The following PHF2 variants were observed in gnomAD, a reference collection of about 807,000 sequenced individuals.
PHF2 encodes PHD finger protein 2.
In PHF2, 27 loss-of-function variants were observed where a neutral mutation model predicts 120.5. The ratio of observed to expected loss-of-function variants is 0.22; its 90% CI spans 0.17 to 0.31. The LOEUF (loss-of-function observed/expected upper bound fraction) is 0.31, where lower values mean the gene tolerates loss of function less well. Among genes scored for constraint, PHF2 ranks in the 10% least tolerant of loss-of-function variants. The probability of loss-of-function intolerance (pLI) is 1.00; values close to 1 mark genes in which losing one functional copy is unlikely to be tolerated. For synonymous variants in PHF2, 568 were observed against 592.5 expected, an observed-to-expected ratio of 0.96 and a Z score of 0.60; for missense variants, 1,024 against 1,434.8, an observed-to-expected ratio of 0.71 and a Z score of 4.63.
At chr9:93,579,040 A>G (rs1013817968) in intron 1 of PHF2, among the ~76,000 whole-genome samples, 6 of 152,130 alleles carry the variant, frequency 3.9e-5, no homozygotes, top group Non-Finnish European at 8.8e-5. Context: ...CTGCTCCCCA[A>G]TTGTTCTGGG....
chr9:93,594,427 T>G (rs1176200124), intron 1 of PHF2, among the ~76,000 whole-genome samples: 1 of 152,206 alleles, frequency 6.6e-6, no homozygotes, highest in African/African-American at 2.4e-5. Flanking sequence ...TCCTGACTCT[T>G]GGGTCAGGGA....
intron 1 of PHF2, among the ~76,000 whole-genome samples, chr9:93,613,157 G>C (rs1361837772): frequency 1.3e-5 from 2 of 152,230 alleles, no homozygotes; most frequent in East Asian, 1.9e-4. Context: ...AGGTGGCTCT[G>C]CTCTGTATGT....
At chr9:93,612,940 C>G (rs116077695) in intron 1 of PHF2, among the ~76,000 whole-genome samples, 1 of 152,228 alleles carries the variant, frequency 6.6e-6, no homozygotes, top group Non-Finnish European at 1.5e-5. Flanking sequence ...TCTAATTGCA[C>G]CCTTCACGTG....
chr9:93,610,017 T>C (rs1355769583), intron 1 of PHF2, among the ~76,000 whole-genome samples: 3 of 152,040 alleles, frequency 2.0e-5, no homozygotes, highest in Non-Finnish European at 1.5e-5. Flanking sequence ...TTCAAGATAT[T>C]CTTTTTGTGT....
chr9:93,619,883 CCTGGTGGCCTCTGAGGT>C (rs1178456255), intron 1 of PHF2, among the ~76,000 whole-genome samples: 53 of 152,180 alleles, frequency 3.5e-4, no homozygotes, highest in Non-Finnish European at 7.3e-5. Context: ...CATTTGTGCC[CCTGGTGGCCTCTGAGGT>C]CTGTGTGTGG....
chr9:93,590,253 T>A (rs1207822421), intron 1 of PHF2, among the ~76,000 whole-genome samples: 1 of 152,250 alleles, frequency 6.6e-6, no homozygotes, highest in African/African-American at 2.4e-5. Flanking sequence ...TATCTAATTA[T>A]TGAGTTCACT....
intron 1 of PHF2, among the ~76,000 whole-genome samples, chr9:93,595,574 C>A (rs969040288): frequency 2.0e-4 from 30 of 152,250 alleles, no homozygotes; most frequent in African/African-American, 6.8e-4. Context: ...AATGCCTGCA[C>A]ATATGTCTGA....
intron 1 of PHF2, among the ~76,000 whole-genome samples, chr9:93,611,370 A>G (rs1309578823): frequency 5.3e-5 from 8 of 151,942 alleles, no homozygotes; most frequent in African/African-American, 1.4e-4. Context: ...AGCCGAGATC[A>G]TGCCATTGCA....
intron 19 of PHF2, 69 bp downstream of exon 19, chr9:93,675,091 C>A: frequency 8.1e-7 from 1 of 1,229,268 alleles, no homozygotes; most frequent in South Asian, 1.2e-5. Context: ...TGTCTGTGGT[C>A]CCTCCAGCCC....
intron 6 of PHF2, among the ~76,000 whole-genome samples, chr9:93,654,037 A>G (rs1351799878): frequency 6.6e-6 from 1 of 152,184 alleles, no homozygotes; most frequent in Non-Finnish European, 1.5e-5. Flanking sequence ...GGGGCCTGCC[A>G]TAAGACTGCC....
At chr9:93,606,459 A>C (rs903013376) in intron 1 of PHF2, among the ~76,000 whole-genome samples, 1 of 152,206 alleles carries the variant, frequency 6.6e-6, no homozygotes, top group Non-Finnish European at 1.5e-5. Context: ...TCCCTGATGA[A>C]ATATAATGTG....
intron 19 of PHF2, 82 bp from the exon 20 acceptor site, chr9:93,675,598 T>C: frequency 9.5e-7 from 1 of 1,050,818 alleles, no homozygotes; most frequent in Non-Finnish European, 1.4e-6. Context: ...CAGGCTGGGG[T>C]GGGGGCAGGG....
chr9:93,591,978 T>G (rs1219332126), intron 1 of PHF2, among the ~76,000 whole-genome samples: 3 of 152,186 alleles, frequency 2.0e-5, no homozygotes, highest in Non-Finnish European at 4.4e-5. Context: ...GCCAGCTCCT[T>G]CCCCAGCTGC....
At chr9:93,580,000 C>T (rs185603996) in intron 1 of PHF2, among the ~76,000 whole-genome samples, 4 of 152,292 alleles carry the variant, frequency 2.6e-5, no homozygotes, top group East Asian at 3.9e-4. Context: ...GAGGGAGAAT[C>T]GTTGTGTTCT....
chr9:93,580,512 G>T (rs1472987402), intron 1 of PHF2, among the ~76,000 whole-genome samples: 1 of 152,194 alleles, frequency 6.6e-6, no homozygotes, highest in African/African-American at 2.4e-5. Flanking sequence ...TGCCTGCAAA[G>T]TGAGCTGGCA....
intron 5 of PHF2, among the ~76,000 whole-genome samples, chr9:93,650,003 ACT>A (rs936769317): frequency 2.7e-5 from 4 of 150,082 alleles, no homozygotes; most frequent in African/African-American, 9.7e-5. Flanking sequence ...CACGTGGTAC[ACT>A]CACACTCACG....
chr9:93,637,006 C>T (rs755464069), intron 3 of PHF2, among the ~76,000 whole-genome samples: 64 of 152,236 alleles, frequency 4.2e-4, no homozygotes, highest in Non-Finnish European at 7.8e-4. Flanking sequence ...CAGCCGGGAG[C>T]GGCTCCTGGT....
intron 12 of PHF2, among the ~76,000 whole-genome samples, chr9:93,662,426 AATGG>A (rs946837117): frequency 2.7e-5 from 4 of 148,914 alleles, no homozygotes; most frequent in African/African-American, 7.5e-5. Context: ...TAGATGAAAA[AATGG>A]ATGGATGGAT....
intron 1 of PHF2, among the ~76,000 whole-genome samples, chr9:93,624,460 AGAT>A (rs571523242): frequency 2.8e-4 from 40 of 145,440 alleles, no homozygotes; most frequent in Middle Eastern, 8.2e-3. Context: ...ATAGTGGTTG[AGAT>A]GATGATGGTG....
Sources: gnomAD v4.1 joint callset for allele counts (sites outside exome capture counted in the v4.1 genomes callset) on GRCh38, gnomAD v4.1.1 for gene constraint, MANE v1.5 for transcripts, NCBI Gene and HGNC (gene_info 2026-07-23, HGNC 2026-07-21) for gene names.